RCAN2: variants seen among roughly 807,000 people sequenced by gnomAD.
RCAN2 encodes calcipressin-2.
A neutral mutation model predicts 23.6 loss-of-function variants in RCAN2; 9 were observed. That is an observed-to-expected ratio of 0.38 (90% CI 0.23 to 0.67). The LOEUF (loss-of-function observed/expected upper bound fraction) is 0.67. Among genes scored for constraint, RCAN2 ranks in the 30% least tolerant of loss-of-function variants. RCAN2 has a pLI of 0.51. For synonymous variants in RCAN2, 109 were observed against 115.7 expected (o/e 0.94, Z 0.37); for missense variants, 273 against 302.3 (o/e 0.90, Z 0.72).
At chr6:46,388,938 G>T (rs564993894) in intron 2 of RCAN2, among the ~76,000 whole-genome samples, 1 of 152,202 alleles carries the variant, frequency 6.6e-6, no homozygotes, top group South Asian at 2.1e-4. Flanking sequence ...CGTACTGCAC[G>T]TGTATCCCAG....
intron 2 of RCAN2, among the ~76,000 whole-genome samples, chr6:46,341,375 T>C (rs963944688): frequency 7.3e-5 from 11 of 151,724 alleles, no homozygotes; most frequent in African/African-American, 2.7e-4. Flanking sequence ...TAAAATACAC[T>C]AGCACTAATG....
At chr6:46,417,397 A>C (rs1038206639) in intron 2 of RCAN2, among the ~76,000 whole-genome samples, 29 of 152,342 alleles carry the variant, frequency 1.9e-4, no homozygotes, top group African/African-American at 6.7e-4. Flanking sequence ...TTTGTTTCTA[A>C]GCCTCCTGAT....
At chr6:46,246,605 C>T in intron 4 of RCAN2, 143 bp downstream of exon 4, 1 of 690,234 alleles carries the variant, frequency 1.4e-6, no homozygotes, top group Non-Finnish European at 2.4e-6. Context: ...ATCCATCATT[C>T]CCTCTCATTG....
intron 2 of RCAN2, among the ~76,000 whole-genome samples, chr6:46,297,263 G>A (rs1474934444): frequency 6.6e-6 from 1 of 152,168 alleles, no homozygotes; most frequent in Non-Finnish European, 1.5e-5. Flanking sequence ...CTCAGCATGG[G>A]CTCTGCCAGG....
intron 2 of RCAN2, among the ~76,000 whole-genome samples, chr6:46,256,084 T>C (rs1766904841): frequency 6.6e-6 from 1 of 152,004 alleles, no homozygotes; most frequent in Admixed American, 6.5e-5. Context: ...GAATAGGGGT[T>C]GGAGGCTGGG....
chr6:46,246,655 A>G (rs1418656873), intron 4 of RCAN2, 93 bp downstream of exon 4: 1 of 1,001,862 alleles, frequency 1.0e-6, no homozygotes, highest in Non-Finnish European at 1.5e-6. Flanking sequence ...TGCAGATGTT[A>G]CTGTGAACCC....
intron 2 of RCAN2, among the ~76,000 whole-genome samples, chr6:46,392,471 T>C (rs895722924): frequency 3.3e-5 from 5 of 152,178 alleles, no homozygotes; most frequent in African/African-American, 4.8e-5. Context: ...ATTGTCCACA[T>C]ATTCTGTACC....
At chr6:46,262,424 A>G (rs1767140780) in intron 2 of RCAN2, among the ~76,000 whole-genome samples, 1 of 152,042 alleles carries the variant, frequency 6.6e-6, no homozygotes, top group Non-Finnish European at 1.5e-5. Context: ...CCCAAAAATC[A>G]ACCTTGGAAG....
rs996082427 is a variant in RCAN2, at chr6:46,421,664, G to T, written c.225+35088C>A. On this transcript the variant is annotated intron_variant, in intron 2 of 4. Transcript: ENST00000371374. The stretch of plus-strand genomic sequence containing the variant: ...AGAGGTCATTTACTCACTTCTCCAG[G>T]TTCCAAAAGCAGTTTGTTTAACATC... 3.9e-5 allele frequency among the ~76,000 whole-genome samples: 6 copies of T among 152,148 alleles called. No individual in the cohort carries two copies. The South Asian group carries it at 8.3e-4, about 21-fold the overall frequency.
chr6:46,477,137 T>TA (rs1194276716), intron 1 of RCAN2, among the ~76,000 whole-genome samples: 1 of 152,154 alleles, frequency 6.6e-6, no homozygotes, highest in Non-Finnish European at 1.5e-5. Context: ...TGTAACTCTT[T>TA]ATCTGGCTGT....
chr6:46,483,147 T>G (rs1165079095), intron 1 of RCAN2, among the ~76,000 whole-genome samples: 1 of 152,210 alleles, frequency 6.6e-6, no homozygotes, highest in Non-Finnish European at 1.5e-5. Flanking sequence ...AGAACATAAG[T>G]GATCCCATCT....
intron 2 of RCAN2, among the ~76,000 whole-genome samples, chr6:46,394,571 T>G (rs1221331384): frequency 6.6e-6 from 1 of 152,200 alleles, no homozygotes; most frequent in Non-Finnish European, 1.5e-5. Flanking sequence ...ATACTTTCAA[T>G]TCATTCCCTC....
At chr6:46,228,011 T>C (rs1644840913) in intron 4 of RCAN2, among the ~76,000 whole-genome samples, 1 of 152,238 alleles carries the variant, frequency 6.6e-6, no homozygotes, top group African/African-American at 2.4e-5. Flanking sequence ...CATCTTTGTT[T>C]CTGCCTTCAT....
intron 2 of RCAN2, among the ~76,000 whole-genome samples, chr6:46,355,489 T>A (rs1360727680): frequency 6.6e-6 from 1 of 152,202 alleles, no homozygotes; most frequent in East Asian, 1.9e-4. Context: ...TAAGTTAAGA[T>A]GTTTGTGATA....
At chr6:46,430,476 T>A (rs1352415273) in intron 2 of RCAN2, among the ~76,000 whole-genome samples, 1 of 152,130 alleles carries the variant, frequency 6.6e-6, no homozygotes, top group African/African-American at 2.4e-5. Flanking sequence ...AGGGGTAGAA[T>A]GTTCATAGTT....
chr6:46,384,320 G>A (rs1253505527), intron 2 of RCAN2, among the ~76,000 whole-genome samples: 7 of 152,158 alleles, frequency 4.6e-5, no homozygotes, highest in African/African-American at 1.7e-4. Context: ...CTGTTTTCCT[G>A]ACTGGACCTT....
At chr6:46,408,480 A>T (rs1057182825) in intron 2 of RCAN2, among the ~76,000 whole-genome samples, 4 of 152,198 alleles carry the variant, frequency 2.6e-5, no homozygotes, top group African/African-American at 9.6e-5. Context: ...CATATAGAAG[A>T]TTCTCTATGT....
Position 46,350,362 on chromosome 6 carries a change from C to T in RCAN2, c.226-101466G>A, listed in dbSNP as rs74938178. On this transcript the variant is annotated intron_variant, in intron 2 of 4. Coordinates refer to ENST00000371374, the MANE Select transcript of RCAN2 (RefSeq NM_001251974.2). ...TGTTAAGAAGAATTTGCATGGTTTACGAGCAGGTGAGCAGGCTGGATAGAG... is the reference window on the plus strand; with the variant it reads ...TGTTAAGAAGAATTTGCATGGTTTATGAGCAGGTGAGCAGGCTGGATAGAG... Among the ~76,000 whole-genome samples, 112 of 152,252 alleles carry T rather than the reference C, an allele frequency of 7.4e-4. No homozygotes were observed. The East Asian group carries it at 0.021, about 29-fold the overall frequency.
At chr6:46,354,842 G>A (rs1764773784) in intron 2 of RCAN2, among the ~76,000 whole-genome samples, 1 of 151,926 alleles carries the variant, frequency 6.6e-6, no homozygotes, top group Admixed American at 6.5e-5. Context: ...TATTTATTAT[G>A]AGCTTTCTAA....
Sources: gnomAD v4.1 joint callset for allele counts (sites outside exome capture counted in the v4.1 genomes callset) on GRCh38, gnomAD v4.1.1 for gene constraint, MANE v1.5 for transcripts, NCBI Gene and HGNC (gene_info 2026-07-23, HGNC 2026-07-21) for gene names.